DMRT1: variants seen among roughly 807,000 people sequenced by gnomAD.
DMRT1 encodes doublesex- and mab-3-related transcription factor 1.
A neutral mutation model predicts 32.3 loss-of-function variants in DMRT1; 7 were observed. The observed-to-expected ratio is 0.22, with a 90% CI of 0.12 to 0.41. The LOEUF (loss-of-function observed/expected upper bound fraction) is 0.41. DMRT1 is among the 10% of genes least tolerant of loss of function. The probability of loss-of-function intolerance (pLI) is 1.00; values close to 1 mark genes in which losing one functional copy is unlikely to be tolerated. For missense variants in DMRT1, 625 were observed against 500.5 expected, an observed-to-expected ratio of 1.25 and a Z score of -2.37; for synonymous variants, 278 against 206.1, an observed-to-expected ratio of 1.35 and a Z score of -2.99.
intron 3 of DMRT1, among the ~76,000 whole-genome samples, chr9:898,809 C>T (rs1321466033): frequency 6.6e-6 from 1 of 152,174 alleles, no homozygotes; most frequent in Non-Finnish European, 1.5e-5. Context: ...ATTAGCTATC[C>T]TGCCTAGTAG....
chr9:938,883 C>T (rs557996578), intron 4 of DMRT1, among the ~76,000 whole-genome samples: 12 of 152,272 alleles, frequency 7.9e-5, no homozygotes, highest in Middle Eastern at 3.4e-3. Context: ...TTTTCATATA[C>T]GACCGTGATC....
At chr9:855,277 A>T (rs182233388) in intron 2 of DMRT1, among the ~76,000 whole-genome samples, 2 of 133,216 alleles carry the variant, frequency 1.5e-5, no homozygotes, top group African/African-American at 2.8e-5. Flanking sequence ...TTTAGAAAAC[A>T]TCTAGAGCCA....
intron 1 of DMRT1, among the ~76,000 whole-genome samples, chr9:843,909 A>G (rs1374716345): frequency 6.6e-6 from 1 of 152,202 alleles, no homozygotes; most frequent in Non-Finnish European, 1.5e-5. Flanking sequence ...TTCTTAATAG[A>G]TTTTTAAAGC....
chr9:877,688 T>G (rs1044812789), intron 2 of DMRT1, among the ~76,000 whole-genome samples: 4 of 152,220 alleles, frequency 2.6e-5, no homozygotes, highest in African/African-American at 9.6e-5. Context: ...CTGTTCACTT[T>G]CCCAGTAGCA....
chr9:945,902 T>C (rs1819228269), intron 4 of DMRT1, among the ~76,000 whole-genome samples: 1 of 152,174 alleles, frequency 6.6e-6, no homozygotes, highest in Admixed American at 6.5e-5. Flanking sequence ...TGTGTTTCTG[T>C]AGAAATGTGG....
At chr9:873,435 A>T (rs1355361984) in intron 2 of DMRT1, among the ~76,000 whole-genome samples, 1 of 151,718 alleles carries the variant, frequency 6.6e-6, no homozygotes, top group Non-Finnish European at 1.5e-5. Flanking sequence ...ACTCCTGAGT[A>T]GCTGGGATTA....
At chr9:917,412 T>TA (rs1219352397) in intron 4 of DMRT1, among the ~76,000 whole-genome samples, 19 of 152,176 alleles carry the variant, frequency 1.2e-4, no homozygotes, top group African/African-American at 4.1e-4. Context: ...GGCTTTGAAA[T>TA]AAAAAATGAC....
chr9:916,627 C>G (rs1318049876), intron 3 of DMRT1, 136 bp from the exon 4 acceptor site: 3 of 1,057,288 alleles, frequency 2.8e-6, no homozygotes, highest in African/African-American at 1.6e-5. Context: ...CCGCCCTGGC[C>G]TCCCAAGGTG....
chr9:861,180 T>C (rs575521442), intron 2 of DMRT1, among the ~76,000 whole-genome samples: 1 of 151,772 alleles, frequency 6.6e-6, no homozygotes, highest in East Asian at 1.9e-4. Context: ...CAAAGGTCTC[T>C]GGTTTTCCTA....
chr9:901,013 A>G (rs1246049508), intron 3 of DMRT1, among the ~76,000 whole-genome samples: 3 of 147,484 alleles, frequency 2.0e-5, no homozygotes, highest in African/African-American at 7.7e-5. Context: ...TTTTTTTTTT[A>G]ATTATTATTA....
At chr9:914,573 CAAAAAAAAA>C (rs34584256) in intron 3 of DMRT1, among the ~76,000 whole-genome samples, 1 of 66,166 alleles carries the variant, frequency 1.5e-5, no homozygotes, top group Non-Finnish European at 2.7e-5. Context: ...GACTCTGTCT[CAAAAAAAAA>C]AAAAAAAAAA....
rs1818680489 is a variant in DMRT1, at chr9:930,500, CTCT to C, written c.967+13594_967+13596del. 8.5e-5 allele frequency among the ~76,000 whole-genome samples: 13 copies of C among 152,140 alleles called. No individual in the cohort carries two copies. In the South Asian group the frequency reaches 2.7e-3, roughly 32 times the overall value. On this transcript the variant is annotated intron_variant, in intron 4 of 4. Transcript: ENST00000382276. ...GATCTCGGCTCACTGCAAGCTCCGC[CTCT>C]CGGGTTCATGCCATTCTGCCTCAGC...
chr9:841,831 G>A lies in DMRT1; in HGVS notation c.-8G>A. Reference sequence around the variant, plus strand: ...GGCCAGAGTGCTCGCACTTCTCCTAGGGGCACCATGCCCAACGACGAGGCA... The same window carrying A: ...GGCCAGAGTGCTCGCACTTCTCCTAAGGGCACCATGCCCAACGACGAGGCA... On this transcript the variant is annotated 5_prime_UTR_variant, in exon 1 of 5. Coordinates refer to ENST00000382276, the MANE Select transcript of DMRT1 (RefSeq NM_021951.3). The A allele has an allele frequency of 1.1e-5, 17 of 1,607,884 alleles. No homozygotes were observed. Among genetic ancestry groups the A allele is most frequent in the Non-Finnish European group, 1.2e-5 (14 of 1,177,598 alleles).
intron 2 of DMRT1, among the ~76,000 whole-genome samples, chr9:856,732 T>C (rs757063916): frequency 2.6e-5 from 4 of 152,232 alleles, no homozygotes; most frequent in Non-Finnish European, 4.4e-5. Flanking sequence ...AATGTATGTT[T>C]CATTCTCTTG....
At chr9:939,462 A>G (rs1346326520) in intron 4 of DMRT1, among the ~76,000 whole-genome samples, 5 of 152,176 alleles carry the variant, frequency 3.3e-5, no homozygotes, top group Admixed American at 3.3e-4. Context: ...GAGTTAATTT[A>G]CCGTGGCCAG....
At chr9:911,443 T>C (rs2129740475) in intron 3 of DMRT1, among the ~76,000 whole-genome samples, 1 of 149,320 alleles carries the variant, frequency 6.7e-6, no homozygotes. Flanking sequence ...AATTGCATTC[T>C]GCCATGCCTT....
chr9:906,841 C>A (rs1817793734), intron 3 of DMRT1, among the ~76,000 whole-genome samples: 1 of 152,204 alleles, frequency 6.6e-6, no homozygotes, highest in Non-Finnish European at 1.5e-5. Context: ...AGAGAGAAAT[C>A]TCAGAAGCGT....
At chr9:959,882 C>T (rs1160681214) in intron 4 of DMRT1, among the ~76,000 whole-genome samples, 2 of 152,190 alleles carry the variant, frequency 1.3e-5, no homozygotes, top group African/African-American at 2.4e-5. Flanking sequence ...ATGGGTTAGT[C>T]CTGTTTTATG....
At chr9:949,039 G>A (rs1252941044) in intron 4 of DMRT1, among the ~76,000 whole-genome samples, 1 of 151,944 alleles carries the variant, frequency 6.6e-6, no homozygotes, top group Non-Finnish European at 1.5e-5. Context: ...GTTGTGGTGA[G>A]CTGAGATCGT....
Sources: gnomAD v4.1 joint callset for allele counts (sites outside exome capture counted in the v4.1 genomes callset) on GRCh38, gnomAD v4.1.1 for gene constraint, MANE v1.5 for transcripts, NCBI Gene and HGNC (gene_info 2026-07-23, HGNC 2026-07-21) for gene names.